Variants in MMP26 observed in about 807,000 individuals in gnomAD.
MMP26 encodes the protein matrix metallopeptidase 26.
A neutral mutation model predicts 31.0 loss-of-function variants in MMP26; 33 were observed. The ratio of observed to expected loss-of-function variants is 1.06; its 90% CI spans 0.81 to 1.42. The LOEUF (loss-of-function observed/expected upper bound fraction) is 1.42. Among genes scored for constraint, MMP26 ranks in the 40% most tolerant of loss-of-function variants. The pLI, the probability that MMP26 is intolerant of heterozygous loss-of-function variation, is 0.00. For synonymous variants in MMP26, 122 were observed against 114.9 expected (o/e 1.06, Z -0.40); for missense variants, 347 against 316.1 (o/e 1.10, Z -0.74).
chr11:4,756,987 T>C (rs1848512526), intron 1 of MMP26, among the ~76,000 whole-genome samples: 1 of 152,028 alleles, frequency 6.6e-6, no homozygotes, highest in African/African-American at 2.4e-5. Context: ...TCAACAAGTC[T>C]TTTTTTTCTG....
chr11:4,812,915 C>T (rs1849368712), intron 2 of MMP26, among the ~76,000 whole-genome samples: 1 of 151,378 alleles, frequency 6.6e-6, no homozygotes, highest in Admixed American at 6.6e-5. Context: ...TTCCTTTTGG[C>T]ATAGTAAATT....
intron 2 of MMP26, among the ~76,000 whole-genome samples, chr11:4,833,780 G>A (rs1849677781): frequency 6.6e-6 from 1 of 152,174 alleles, no homozygotes; most frequent in Non-Finnish European, 1.5e-5. Context: ...TCAATTTGGA[G>A]AGGAAGTTAT....
At chr11:4,881,696 T>C in intron 2 of MMP26, 1 of 553,968 alleles carries the variant, frequency 1.8e-6, no homozygotes, top group Non-Finnish European at 3.2e-6. Flanking sequence ...GTAAATTTGG[T>C]TTTGAATTTG....
At chr11:4,977,135 T>C (rs1846748869) in intron 2 of MMP26, among the ~76,000 whole-genome samples, 1 of 151,478 alleles carries the variant, frequency 6.6e-6, no homozygotes, top group Admixed American at 6.6e-5. Flanking sequence ...TTCTTGCTCT[T>C]GTGTTACTCA....
intron 2 of MMP26, among the ~76,000 whole-genome samples, chr11:4,927,247 G>A (rs534877255): frequency 2.6e-5 from 4 of 152,178 alleles, no homozygotes; most frequent in East Asian, 1.9e-4. Context: ...AAGTATCTTC[G>A]AAGTACAATC....
At chr11:4,917,784 G>C in intron 2 of MMP26, among the ~76,000 whole-genome samples, 1 of 151,966 alleles carries the variant, frequency 6.6e-6, no homozygotes, top group East Asian at 1.9e-4. Flanking sequence ...TGATGTAATA[G>C]TCTCTAATTG....
intron 2 of MMP26, among the ~76,000 whole-genome samples, chr11:4,829,945 C>T (rs1388917139): frequency 6.6e-6 from 1 of 152,156 alleles, no homozygotes; most frequent in Non-Finnish European, 1.5e-5. Flanking sequence ...TGTGTGGGAA[C>T]AGGATCACAT....
intron 1 of MMP26, among the ~76,000 whole-genome samples, chr11:4,733,712 A>T (rs1460698435): frequency 6.6e-6 from 1 of 152,182 alleles, no homozygotes; most frequent in Non-Finnish European, 1.5e-5. Flanking sequence ...CTCCAGGGCA[A>T]TGTTGAATAA....
intron 2 of MMP26, among the ~76,000 whole-genome samples, chr11:4,927,938 A>G (rs530302900): frequency 1.3e-5 from 2 of 152,234 alleles, no homozygotes; most frequent in South Asian, 2.1e-4. Context: ...AAGGGATACT[A>G]AATGATACTT....
chr11:4,920,901 A>G (rs958736929), intron 2 of MMP26, among the ~76,000 whole-genome samples: 5 of 152,222 alleles, frequency 3.3e-5, no homozygotes, highest in African/African-American at 1.2e-4. Flanking sequence ...TAGTAAATAA[A>G]TCCAGTCATT....
intron 2 of MMP26, among the ~76,000 whole-genome samples, chr11:4,772,147 C>T (rs888804628): frequency 2.6e-5 from 4 of 152,178 alleles, no homozygotes; most frequent in South Asian, 2.1e-4. Flanking sequence ...CTCTCCCTAT[C>T]TATAAAAATT....
At chr11:4,850,223 C>G (rs911880757) in intron 2 of MMP26, among the ~76,000 whole-genome samples, 3 of 152,136 alleles carry the variant, frequency 2.0e-5, no homozygotes, top group Non-Finnish European at 4.4e-5. Flanking sequence ...ATTCCCAGAT[C>G]CTTCTAGGTT....
chr11:4,780,736 T>C (rs1212439320), intron 2 of MMP26, among the ~76,000 whole-genome samples: 2 of 152,038 alleles, frequency 1.3e-5, no homozygotes, highest in Non-Finnish European at 2.9e-5. Flanking sequence ...AAAGAAAACA[T>C]ATTTTTTTGC....
chr11:4,842,561 TACTC>T (rs1239084103), intron 2 of MMP26, among the ~76,000 whole-genome samples: 1 of 152,134 alleles, frequency 6.6e-6, no homozygotes, highest in Non-Finnish European at 1.5e-5. Flanking sequence ...CATGAGAAGT[TACTC>T]ACTATCATGA....
At chr11:4,849,184 C>A in intron 2 of MMP26, 1 of 1,611,688 alleles carries the variant, frequency 6.2e-7, no homozygotes, top group Non-Finnish European at 8.5e-7. Flanking sequence ...CTATTGGGGG[C>A]TATCTGAGTT....
rs576519330 is a variant in MMP26 at position 4,983,477 on chromosome 11, G to A, written c.-144-4591G>A. Among the ~76,000 whole-genome samples the A allele has an allele frequency of 1.5e-4, 23 of 152,292 alleles. 1 individual carries two copies. The South Asian group carries it at 2.7e-3, about 18-fold the overall frequency. On this transcript the variant is annotated intron_variant, in intron 2 of 7. Transcript: ENST00000380390. ...TACCTGAGTAACAGAAAAAGTGGCCGTGCAGTCTGATATCTTCAAAATTAC... is the reference window on the plus strand; with the variant it reads ...TACCTGAGTAACAGAAAAAGTGGCCATGCAGTCTGATATCTTCAAAATTAC...
intron 2 of MMP26, among the ~76,000 whole-genome samples, chr11:4,858,503 T>C (rs1039804762): frequency 6.6e-6 from 1 of 152,046 alleles, no homozygotes; most frequent in Admixed American, 6.5e-5. Context: ...TACCTAGGAA[T>C]CCAACTTACA....
chr11:4,823,159 T>G (rs1450465602), intron 2 of MMP26, among the ~76,000 whole-genome samples: 1 of 152,164 alleles, frequency 6.6e-6, no homozygotes, highest in African/African-American at 2.4e-5. Context: ...TATCAACGTA[T>G]AGATACTTTA....
In MMP26 at chr11:4,705,597, CACTT is replaced by C. The variant is rs1489483519; in HGVS notation, c.-217+554_-217+557del. 2.0e-5 allele frequency among the ~76,000 whole-genome samples: 3 copies of C among 152,168 alleles called. No individual in the cohort carries two copies. The South Asian group carries it at 6.2e-4, about 32-fold the overall frequency. ...GAATTCTCAGTGGGGGAGAAAGAGA[CACTT>C]AAAGAGAACTGTTTAAGAAGAGTTT... On this transcript the variant is annotated intron_variant, in intron 1 of 7. Transcript: ENST00000380390.
Sources: gnomAD v4.1 joint callset for allele counts (sites outside exome capture counted in the v4.1 genomes callset) on GRCh38, gnomAD v4.1.1 for gene constraint, MANE v1.5 for transcripts, NCBI Gene and HGNC (gene_info 2026-07-23, HGNC 2026-07-21) for gene names.